CACNA1C: variants seen among roughly 807,000 people sequenced by gnomAD.
CACNA1C encodes the protein calcium voltage-gated channel subunit alpha1 C, also known as voltage-dependent L-type calcium channel subunit alpha-1C.
A neutral mutation model predicts 229.0 loss-of-function variants in CACNA1C; 30 were observed. The ratio of observed to expected loss-of-function variants is 0.13; its 90% CI spans 0.10 to 0.18. CACNA1C has a LOEUF of 0.18. CACNA1C is among the 10% of genes least tolerant of loss of function. The probability of loss-of-function intolerance (pLI) is 1.00; values close to 1 mark genes in which losing one functional copy is unlikely to be tolerated. For synonymous variants in CACNA1C, 1,114 were observed against 1,132.5 expected, an observed-to-expected ratio of 0.98 and a Z score of 0.33; for missense variants, 1,658 against 2,845.0, an observed-to-expected ratio of 0.58 and a Z score of 9.49.
rs1056662002 is a variant in CACNA1C, at chr12:2,647,510, A to G, written c.3913-965A>G. On this transcript the variant is annotated intron_variant, in intron 30 of 46. Coordinates refer to ENST00000399655, the MANE Select transcript of CACNA1C (RefSeq NM_000719.7). The surrounding 1 kb of genome is among the most constrained non-coding windows in gnomAD (Gnocchi z 4.2). ...TTTAGAAAACAATTCAACAGTCATT[A>G]TTTCATGCCAACGGTCAGGGCTCGC... Among the ~76,000 whole-genome samples, 3 of 152,202 alleles carry G rather than the reference A, an allele frequency of 2.0e-5. No homozygotes were observed. Among genetic ancestry groups the G allele is most frequent in the Non-Finnish European group, 4.4e-5 (3 of 68,046 alleles).
chr12:2,681,805 T>C lies in CACNA1C; in HGVS notation c.5445-745T>C. The C allele has an allele frequency of 4.9e-6, 3 of 609,606 alleles. No homozygotes were observed. The South Asian group carries it at 6.0e-5, about 12-fold the overall frequency. 37.8% of individuals were successfully genotyped at this position (609,606 alleles called of 1,614,324 possible). A position where few individuals can be genotyped will look rare whatever the true frequency, so the allele number is the denominator to read the frequency against. ...AGGATGGACCAGGATCTTTCTCTGA[T>C]GCCCTCAGGGGTCTGAGGATAAAGT... On this transcript the variant is annotated intron_variant, in intron 42 of 46. Coordinates refer to ENST00000399655, the MANE Select transcript of CACNA1C (RefSeq NM_000719.7).
At chr12:1,982,777 G>A (rs923397106) in intron 1 of CACNA1C, among the ~76,000 whole-genome samples, 1 of 152,010 alleles carries the variant, frequency 6.6e-6, no homozygotes, top group Non-Finnish European at 1.5e-5. Context: ...CCTTGTTTTG[G>A]TATCAGGATA....
At chr12:2,165,819 T>A (rs988330115) in intron 3 of CACNA1C, among the ~76,000 whole-genome samples, 5 of 152,150 alleles carry the variant, frequency 3.3e-5, no homozygotes, top group African/African-American at 1.2e-4. Flanking sequence ...GAGCTAGACT[T>A]AGTTAGACTT....
At chr12:2,293,007 C>A (rs905376094) in intron 3 of CACNA1C, among the ~76,000 whole-genome samples, 4 of 152,026 alleles carry the variant, frequency 2.6e-5, no homozygotes, top group Non-Finnish European at 4.4e-5. Flanking sequence ...TTTCCCTCTG[C>A]AGCTCATTTA....
At chr12:2,240,826 C>T (rs1179218352) in intron 3 of CACNA1C, among the ~76,000 whole-genome samples, 3 of 152,072 alleles carry the variant, frequency 2.0e-5, no homozygotes, top group Non-Finnish European at 2.9e-5. Context: ...TCTGGCAGCC[C>T]AGAGCTCCCC....
intron 1 of CACNA1C, among the ~76,000 whole-genome samples, chr12:2,024,271 T>G (rs1461816299): frequency 1.3e-5 from 2 of 152,264 alleles, no homozygotes; most frequent in African/African-American, 4.8e-5. Context: ...CCCAGGAATC[T>G]TGGTTCTGAC....
At chr12:2,344,330 C>G (rs1440107050) in intron 3 of CACNA1C, among the ~76,000 whole-genome samples, 1 of 152,032 alleles carries the variant, frequency 6.6e-6, no homozygotes, top group Admixed American at 6.6e-5. Context: ...AACACTTCCT[C>G]CAGGTGTGTG....
chr12:2,621,586 C>T (rs2083270633), intron 29 of CACNA1C, among the ~76,000 whole-genome samples: 1 of 152,140 alleles, frequency 6.6e-6, no homozygotes, highest in Non-Finnish European at 1.5e-5. Flanking sequence ...GCTGGCTGCT[C>T]ATTGACAAAT....
intron 3 of CACNA1C, among the ~76,000 whole-genome samples, chr12:2,209,098 A>T (rs1185816337): frequency 1.3e-5 from 2 of 152,116 alleles, no homozygotes; most frequent in Non-Finnish European, 2.9e-5. Context: ...CCTGGTATGA[A>T]ATCTTGTAGC....
chr12:2,228,528 C>T (rs2063716524), intron 3 of CACNA1C, among the ~76,000 whole-genome samples: 1 of 152,120 alleles, frequency 6.6e-6, no homozygotes, highest in Non-Finnish European at 1.5e-5. Flanking sequence ...CCTGAGTTTT[C>T]GTTCTCCTAA....
chr12:2,279,365 C>T (rs545290521), intron 3 of CACNA1C, among the ~76,000 whole-genome samples: 1 of 152,300 alleles, frequency 6.6e-6, no homozygotes, highest in Non-Finnish European at 1.5e-5. Context: ...CTAGTTACCC[C>T]TTCATCTTTG....
intron 3 of CACNA1C, among the ~76,000 whole-genome samples, chr12:2,207,826 C>T (rs922360291): frequency 7.6e-6 from 1 of 131,498 alleles, no homozygotes; most frequent in African/African-American, 2.6e-5. Context: ...GTCTCAAAAA[C>T]AAAACAAACA....
At chr12:2,407,116 G>A (rs151155005) in intron 3 of CACNA1C, among the ~76,000 whole-genome samples, 1,680 of 152,336 alleles carry the variant, frequency 0.011, 25 homozygotes, top group African/African-American at 0.038. Context: ...CTGCCTCACC[G>A]ACACCGCAGC....
At chr12:2,135,712 C>G (rs1308160717) in intron 3 of CACNA1C, among the ~76,000 whole-genome samples, 2 of 145,984 alleles carry the variant, frequency 1.4e-5, no homozygotes, top group African/African-American at 2.7e-5. Context: ...CTCTTCAAAG[C>G]TGTCAGACAG....
chr12:2,060,588 G>A (rs2057106801), intron 1 of CACNA1C, among the ~76,000 whole-genome samples: 1 of 152,176 alleles, frequency 6.6e-6, no homozygotes, highest in Admixed American at 6.5e-5. Context: ...AGGCTGACTC[G>A]GTCTAGCTTG....
intron 10 of CACNA1C, 104 bp from the exon 11 acceptor site, chr12:2,556,847 C>A: frequency 1.1e-6 from 1 of 918,014 alleles, no homozygotes; most frequent in Non-Finnish European, 1.8e-6. Flanking sequence ...CCAGCACCCA[C>A]ACGAAATTAC....
intron 1 of CACNA1C, among the ~76,000 whole-genome samples, chr12:2,041,084 A>G (rs2049995657): frequency 6.6e-6 from 1 of 152,160 alleles, no homozygotes; most frequent in Non-Finnish European, 1.5e-5. Context: ...AGGCTGAGAA[A>G]AATTCCATCT....
chr12:2,090,852 C>T (rs2070517701), intron 1 of CACNA1C, among the ~76,000 whole-genome samples: 1 of 152,248 alleles, frequency 6.6e-6, no homozygotes, highest in South Asian at 2.1e-4. Flanking sequence ...TTTACTTTCC[C>T]GCCAACAGTG....
chr12:2,681,013 T>A (rs1003966309), intron 42 of CACNA1C, among the ~76,000 whole-genome samples: 2 of 152,166 alleles, frequency 1.3e-5, no homozygotes, highest in Non-Finnish European at 2.9e-5. Context: ...GGGGGCCTCA[T>A]CCTTCTCTGC....
Sources: gnomAD v4.1 joint callset for allele counts (sites outside exome capture counted in the v4.1 genomes callset) on GRCh38, gnomAD v4.1.1 for gene constraint, Gnocchi (gnomAD v3.1) non-coding constraint, MANE v1.5 for transcripts, NCBI Gene and HGNC (gene_info 2026-07-23, HGNC 2026-07-21) for gene names.